Variants in PTPRD observed in about 807,000 individuals in gnomAD.
PTPRD encodes the protein protein tyrosine phosphatase receptor type D.
Under a neutral mutation model 214.5 loss-of-function variants are expected in PTPRD, and 34 were observed. The ratio of observed to expected loss-of-function variants is 0.16; its 90% CI spans 0.12 to 0.21. PTPRD has a LOEUF of 0.21. Among genes scored for constraint, PTPRD ranks in the 10% least tolerant of loss-of-function variants. The probability of loss-of-function intolerance (pLI) is 1.00; values close to 1 mark genes in which losing one functional copy is unlikely to be tolerated. For synonymous variants in PTPRD, 1,128 were observed against 845.7 expected, an observed-to-expected ratio of 1.33 and a Z score of -5.79; for missense variants, 2,545 against 2,398.7, an observed-to-expected ratio of 1.06 and a Z score of -1.27.
intron 6 of PTPRD, among the ~76,000 whole-genome samples, chr9:9,734,885 T>G (rs984395547): frequency 2.0e-5 from 3 of 152,084 alleles, no homozygotes; most frequent in Admixed American, 6.6e-5. Context: ...AGATTATTAT[T>G]AAATGCACTT....
At chr9:10,261,865 T>A (rs562839461) in intron 3 of PTPRD, among the ~76,000 whole-genome samples, 2 of 152,238 alleles carry the variant, frequency 1.3e-5, no homozygotes, top group African/African-American at 4.8e-5. Context: ...CCTTAAGGTA[T>A]ACTAGTCTGC....
In PTPRD at chr9:10,082,262, T is replaced by C. The variant is rs190531650; in HGVS notation, c.-544-48472A>G. The stretch of plus-strand genomic sequence containing the variant: ...TGTTTGATTGATTAGTTGGTACAGG[T>C]TTAGAATTATCTCTCATCACCTTTT... On this transcript the variant is annotated intron_variant, in intron 3 of 45. Transcript: ENST00000381196. Among the ~76,000 whole-genome samples, 11 of 152,188 alleles carry C rather than the reference T, an allele frequency of 7.2e-5. No individual in the cohort carries two copies. The East Asian group carries it at 2.1e-3, about 30-fold the overall frequency.
At chr9:9,828,813 T>C (rs1220341054) in intron 5 of PTPRD, among the ~76,000 whole-genome samples, 1 of 151,830 alleles carries the variant, frequency 6.6e-6, no homozygotes, top group East Asian at 1.9e-4. Context: ...TAGTTATTGG[T>C]AATTAAAAGC....
intron 9 of PTPRD, among the ~76,000 whole-genome samples, chr9:9,335,469 C>G (rs2044077982): frequency 6.6e-6 from 1 of 152,050 alleles, no homozygotes; most frequent in Non-Finnish European, 1.5e-5. Flanking sequence ...ACAGTAGACA[C>G]AAACCCATCT....
rs1459892671 is a variant in PTPRD at position 9,505,402 on chromosome 9, T to G, written c.-237+69330A>C. On this transcript the variant is annotated intron_variant, in intron 8 of 45. Coordinates refer to ENST00000381196, the MANE Select transcript of PTPRD (RefSeq NM_002839.4). ...TCTTGCAAAAGTGGCCCAGATTCAT[T>G]GCTCAATATAGGATGTAAATATTTA... Among the ~76,000 whole-genome samples the G allele has an allele frequency of 2.6e-5, 4 of 151,570 alleles. No homozygotes were observed. The East Asian group carries it at 7.7e-4, about 29-fold the overall frequency.
intron 10 of PTPRD, among the ~76,000 whole-genome samples, chr9:9,157,619 T>C (rs188904957): frequency 7.1e-4 from 108 of 152,308 alleles, no homozygotes; most frequent in African/African-American, 2.5e-3. Context: ...ATTGAATCAA[T>C]ATTCAAACTT....
chr9:8,963,638 G>C (rs1215683048), intron 11 of PTPRD, among the ~76,000 whole-genome samples: 3 of 147,578 alleles, frequency 2.0e-5, no homozygotes, highest in Non-Finnish European at 4.5e-5. Context: ...TTTTTTTTTT[G>C]AGACATGGTC....
chr9:8,397,945 G>T (rs1378121132), intron 36 of PTPRD, among the ~76,000 whole-genome samples: 1 of 152,034 alleles, frequency 6.6e-6, no homozygotes, highest in Non-Finnish European at 1.5e-5. Context: ...CCATTTAAAA[G>T]AATAGATTCT....
chr9:10,192,866 T>C (rs1008697684), intron 3 of PTPRD, among the ~76,000 whole-genome samples: 12 of 152,106 alleles, frequency 7.9e-5, no homozygotes, highest in African/African-American at 2.7e-4. Flanking sequence ...AGTCTACACT[T>C]ATGATTCTAA....
At chr9:9,142,952 C>G (rs570012475) in intron 10 of PTPRD, among the ~76,000 whole-genome samples, 74 of 152,130 alleles carry the variant, frequency 4.9e-4, no homozygotes, top group African/African-American at 1.8e-3. Flanking sequence ...AGAGGGAGTG[C>G]TTGCCAAAGA....
chr9:9,905,459 A>C (rs951493558), intron 5 of PTPRD, among the ~76,000 whole-genome samples: 3 of 151,994 alleles, frequency 2.0e-5, no homozygotes. Context: ...AACAAGGTTT[A>C]TGGCTACATA....
chr9:10,196,762 C>G (rs1222169768), intron 3 of PTPRD, among the ~76,000 whole-genome samples: 1 of 151,904 alleles, frequency 6.6e-6, no homozygotes, highest in Non-Finnish European at 1.5e-5. Flanking sequence ...GTTTGCATAC[C>G]CCCAGAATTT....
rs574770691 is a variant in PTPRD at position 10,114,927 on chromosome 9, T to C, written c.-544-81137A>G. Among the ~76,000 whole-genome samples, 19 of 152,014 alleles carry C rather than the reference T, an allele frequency of 1.2e-4. No individual in the cohort carries two copies. The South Asian group carries it at 3.3e-3, about 27-fold the overall frequency. ...TATTGTAAAATTTTCTAAGGAATTATAGTGGTCTGCTATTACCACTGTGCC... is the reference window on the plus strand; with the variant it reads ...TATTGTAAAATTTTCTAAGGAATTACAGTGGTCTGCTATTACCACTGTGCC... On this transcript the variant is annotated intron_variant, in intron 3 of 45. Coordinates refer to ENST00000381196, the MANE Select transcript of PTPRD (RefSeq NM_002839.4).
chr9:8,713,807 G>T, intron 12 of PTPRD: 1 of 1,534,664 alleles, frequency 6.5e-7, no homozygotes, highest in Non-Finnish European at 8.8e-7. Flanking sequence ...CACAAGCCAC[G>T]ATTCACCACC....
At chr9:9,712,837 A>G (rs370094407) in intron 7 of PTPRD, among the ~76,000 whole-genome samples, 2 of 152,216 alleles carry the variant, frequency 1.3e-5, no homozygotes, top group Non-Finnish European at 2.9e-5. Flanking sequence ...AAAAAGAGAA[A>G]AAACTATTTT....
chr9:8,841,790 T>C (rs2097563727), intron 11 of PTPRD, among the ~76,000 whole-genome samples: 1 of 151,766 alleles, frequency 6.6e-6, no homozygotes. Flanking sequence ...GGCGGGTGGA[T>C]CATTTGAGGT....
intron 4 of PTPRD, among the ~76,000 whole-genome samples, chr9:9,987,245 A>C (rs2095747312): frequency 6.6e-6 from 1 of 152,200 alleles, no homozygotes; most frequent in African/African-American, 2.4e-5. Flanking sequence ...TATGATTAGT[A>C]CTTACATATT....
At chr9:9,309,717 C>T (rs1047349962) in intron 9 of PTPRD, among the ~76,000 whole-genome samples, 2 of 152,146 alleles carry the variant, frequency 1.3e-5, no homozygotes, top group African/African-American at 4.8e-5. Context: ...AAGAATGGTA[C>T]AACGTTATTC....
intron 2 of PTPRD, among the ~76,000 whole-genome samples, chr9:10,596,290 A>G (rs865782796): frequency 1.3e-5 from 2 of 151,656 alleles, no homozygotes; most frequent in Non-Finnish European, 3.0e-5. Flanking sequence ...ACAAAAAGTA[A>G]AAGTTGTTAA....
Sources: gnomAD v4.1 joint callset for allele counts (sites outside exome capture counted in the v4.1 genomes callset) on GRCh38, gnomAD v4.1.1 for gene constraint, MANE v1.5 for transcripts, NCBI Gene and HGNC (gene_info 2026-07-23, HGNC 2026-07-21) for gene names.